The following ROS1 variants were observed in gnomAD, a reference collection of about 807,000 sequenced individuals.
The protein encoded by ROS1 is ROS proto-oncogene 1, receptor tyrosine kinase.
ROS1 carries 263 observed loss-of-function variants against 273.5 expected under a neutral mutation model. That is an observed-to-expected ratio of 0.96 (90% CI 0.87 to 1.06). The LOEUF (loss-of-function observed/expected upper bound fraction) is 1.06. Among genes scored for constraint, ROS1 ranks in the 50% least tolerant of loss-of-function variants. The pLI, the probability that ROS1 is intolerant of heterozygous loss-of-function variation, is 0.00. For missense variants in ROS1, 2,833 were observed against 2,751.1 expected, an observed-to-expected ratio of 1.03 and a Z score of -0.67; for synonymous variants, 1,008 against 954.1, an observed-to-expected ratio of 1.06 and a Z score of -1.04.
At chr6:117,349,061 A>G (rs1778600036) in intron 27 of ROS1, among the ~76,000 whole-genome samples, 1 of 152,104 alleles carries the variant, frequency 6.6e-6, no homozygotes. Context: ...TGGAAAAATT[A>G]TTAATAGTAG....
intron 31 of ROS1, among the ~76,000 whole-genome samples, chr6:117,340,285 A>C (rs970742149): frequency 2.0e-5 from 3 of 152,134 alleles, no homozygotes; most frequent in African/African-American, 7.2e-5. Flanking sequence ...TTTTATCTAT[A>C]AAGTATAAGA....
rs755430972 is a variant in ROS1 at position 117,359,909 on chromosome 6, ACT to A, written c.3531_3532del (p.Arg1177SerfsTer10). ...AGCTGTGTAGCAAACGGCACTGATAACTCTTTCTGCTGAAAACGTCCACACAA... is the reference window on the plus strand; with the variant it reads ...AGCTGTGTAGCAAACGGCACTGATAACTTTCTGCTGAAAACGTCCACACAA... On this transcript the variant is annotated frameshift_variant, in exon 24 of 44. Coordinates refer to ENST00000368507, the MANE Select transcript of ROS1 (RefSeq NM_001378902.1). LOFTEE classifies it high-confidence loss of function. 6.2e-6 allele frequency: 10 copies of A among 1,613,466 alleles called. No individual in the cohort carries two copies. The East Asian group carries it at 1.3e-4, about 22-fold the overall frequency.
chr6:117,338,921 C>T lies in ROS1; in HGVS notation c.5062-1581G>A, dbSNP rs17079060. On this transcript the variant is annotated intron_variant, in intron 31 of 43. Transcript: ENST00000368507. The stretch of plus-strand genomic sequence containing the variant: ...AGCTAAGATGTCTGAGAGTTTGGAA[C>T]TTCAGAAACTTATGGTTCTGCTAGG... Among the ~76,000 whole-genome samples the T allele has an allele frequency of 6.0e-3, 916 of 152,162 alleles. 5 individuals are homozygous for T. Among genetic ancestry groups the T allele is most frequent in the African/African-American group, 0.021 (878 of 41,530 alleles).
At chr6:117,327,707 T>C (rs1274447115) in intron 33 of ROS1, among the ~76,000 whole-genome samples, 1 of 152,218 alleles carries the variant, frequency 6.6e-6, no homozygotes, top group Non-Finnish European at 1.5e-5. Flanking sequence ...CTCCCAAAAT[T>C]CATACCCACT....
chr6:117,319,846 G>T (rs2128558437), intron 37 of ROS1, 22 bp downstream of exon 37: 2 of 1,604,986 alleles, frequency 1.2e-6, no homozygotes, highest in Non-Finnish European at 1.7e-6. Flanking sequence ...AATGTGTCAA[G>T]GAGTTCGAAG....
chr6:117,318,109 G>A, intron 38 of ROS1, 79 bp downstream of exon 38: 1 of 982,644 alleles, frequency 1.0e-6, no homozygotes, highest in East Asian at 2.5e-5. Context: ...GTTAAGTCAT[G>A]TCATTTTGGG....
chr6:117,408,958 G>A lies in ROS1; in HGVS notation c.316+624C>T, dbSNP rs542726961. Among the ~76,000 whole-genome samples the A allele has an allele frequency of 5.6e-3, 850 of 150,752 alleles. 10 individuals carry two copies. Among genetic ancestry groups the A allele is most frequent in the African/African-American group, 0.02 (803 of 41,064 alleles). ...AAACCATCATTCTCAGCAAACTATCGCGAGGACAAAAAACCAAACACTGCA... is the reference window on the plus strand; with the variant it reads ...AAACCATCATTCTCAGCAAACTATCACGAGGACAAAAAACCAAACACTGCA... On this transcript the variant is annotated intron_variant, in intron 5 of 43. Coordinates refer to ENST00000368507, the MANE Select transcript of ROS1 (RefSeq NM_001378902.1).
In ROS1 at chr6:117,353,089, A is replaced by T. The variant is rs1207686047; in HGVS notation, c.4204T>A (p.Tyr1402Asn). 6 of 1,614,020 alleles carry T rather than the reference A, an allele frequency of 3.7e-6. No individual in the cohort carries two copies. The highest frequency in any genetic ancestry group is 5.1e-6 in the Non-Finnish European group (6 of 1,179,982). ...GCCCCATTTCCTTTCTTTGCCTGAT[A>T]AATCTGTGTGCTGTCCTTTGCTGTG... ...IITAKDSTQI[Y>N]QAKKGNGAIV... Residue 1402 changes from tyrosine (Y) to asparagine (N), a missense_variant, in exon 27 of 44, where the codon TAT (tyrosine) becomes AAT (asparagine). Coordinates refer to ENST00000368507, the MANE Select transcript of ROS1 (RefSeq NM_001378902.1).
At position 117,311,037 on chromosome 6, in the gene ROS1, C is replaced by T. The variant is rs2128549770; in HGVS notation, c.6198G>A (p.Arg2066=). The T allele has an allele frequency of 6.2e-7, 1 of 1,608,486 alleles. No homozygotes were observed. Among genetic ancestry groups the T allele is most frequent in the Non-Finnish European group, 8.5e-7 (1 of 1,176,468 alleles). Residue 2066 remains arginine (R), a synonymous_variant, in exon 40 of 44, where the codon CGG becomes CGA. Transcript: ENST00000368507. ...AATTGTACCTGTGAATGAAATGCAT[C>T]CGTTCCAAGTAGACACAGCCTTTTG... The part of the protein sequence containing the change: ...DISKGCVYLE[R]MHFIHRDLAA...
intron 18 of ROS1, among the ~76,000 whole-genome samples, chr6:117,375,597 TAAAAC>T (rs1265023855): frequency 6.6e-6 from 1 of 151,616 alleles, no homozygotes; most frequent in South Asian, 2.1e-4. Context: ...AAACCAACAA[TAAAAC>T]AATACAATAA....
rs557978558 is a variant in ROS1, at chr6:117,338,026, C to T, written c.5062-686G>A. Among the ~76,000 whole-genome samples, 6 of 152,172 alleles carry T rather than the reference C, an allele frequency of 3.9e-5. No homozygotes were observed. In the East Asian group the frequency reaches 9.6e-4, roughly 24 times the overall value. ...CTCTAATTGCAGCTATCTGAAATTT[C>T]TTGCTCTGTGACATTGCTTTCTAAA... On this transcript the variant is annotated intron_variant, in intron 31 of 43. Transcript: ENST00000368507.
At chr6:117,314,399 C>T (rs1454637413) in intron 39 of ROS1, among the ~76,000 whole-genome samples, 1 of 152,062 alleles carries the variant, frequency 6.6e-6, no homozygotes, top group Non-Finnish European at 1.5e-5. Flanking sequence ...CTGTTTTTCA[C>T]TATGGAAGCT....
chr6:117,371,005 C>T (rs1780717803), intron 18 of ROS1, among the ~76,000 whole-genome samples: 1 of 152,150 alleles, frequency 6.6e-6, no homozygotes, highest in African/African-American at 2.4e-5. Context: ...AAGCAACATC[C>T]TGTATGTTGT....
chr6:117,396,377 A>G, intron 8 of ROS1, 113 bp from the exon 9 acceptor site: 1 of 755,874 alleles, frequency 1.3e-6, no homozygotes, highest in Non-Finnish European at 2.3e-6. Context: ...GCAATGCATG[A>G]GTCTAGTTAC....
At position 117,287,917 on chromosome 6, in the gene ROS1, CAAAAAAAA is replaced by C. The variant is rs3086754; in HGVS notation, c.*567_*574del. Among the ~76,000 whole-genome samples, 1 of 129,566 alleles carries C rather than the reference CAAAAAAAA, an allele frequency of 7.7e-6. No homozygotes were observed. Among genetic ancestry groups the C allele is most frequent in the South Asian group, 2.7e-4 (1 of 3,760 alleles). 85.0% of individuals were successfully genotyped at this position (129,566 alleles called of 152,430 possible). ...TGGGCAACAGAGCAAGACTTCGTCT[CAAAAAAAA>C]AAAAAAAAAATTAAAAAAAGATAAT... On this transcript the variant is annotated 3_prime_UTR_variant, in exon 44 of 44. Coordinates refer to ENST00000368507, the MANE Select transcript of ROS1 (RefSeq NM_001378902.1).
At chr6:117,396,413 T>C in intron 8 of ROS1, 149 bp from the exon 9 acceptor site, 1 of 645,844 alleles carries the variant, frequency 1.5e-6, no homozygotes, top group South Asian at 1.8e-5. Context: ...AGCACCGAAA[T>C]GACCATCAAT....
intron 41 of ROS1, among the ~76,000 whole-genome samples, chr6:117,309,171 C>T (rs537241516): frequency 6.6e-6 from 1 of 152,308 alleles, no homozygotes; most frequent in South Asian, 2.1e-4. Context: ...CATGTGCACA[C>T]ACAGAGACAG....
At chr6:117,373,991 TG>T (rs1781102746) in intron 18 of ROS1, among the ~76,000 whole-genome samples, 1 of 152,202 alleles carries the variant, frequency 6.6e-6, no homozygotes, top group African/African-American at 2.4e-5. Flanking sequence ...AAATCATAGA[TG>T]ATACAAACAA....
At chr6:117,424,100 T>G (rs1775961366) in intron 1 of ROS1, among the ~76,000 whole-genome samples, 1 of 151,924 alleles carries the variant, frequency 6.6e-6, no homozygotes, top group African/African-American at 2.4e-5. Flanking sequence ...GACAGTAAAA[T>G]AAAATGGAGA....
Sources: allele counts gnomAD v4.1 joint callset (sites outside exome capture counted in the v4.1 genomes callset), GRCh38; gene constraint gnomAD v4.1.1; transcripts MANE v1.5; gene names NCBI Gene and HGNC (gene_info 2026-07-23, HGNC 2026-07-21).